Variants in EHD4 observed in about 807,000 individuals in gnomAD.
EHD4 encodes the protein EH domain containing 4.
EHD4 carries 37 observed loss-of-function variants against 51.0 expected under a neutral mutation model. That is an observed-to-expected ratio of 0.73 (90% CI 0.56 to 0.95). EHD4 has a LOEUF of 0.95. Ranked by LOEUF, EHD4 falls within the 40% of genes least tolerant of loss-of-function variation. The pLI is 0.00. For missense variants in EHD4, 632 were observed against 733.1 expected (o/e 0.86, Z 1.59); for synonymous variants, 297 against 317.3 (o/e 0.94, Z 0.68).
At chr15:41,911,945 C>T (rs934378796) in intron 4 of EHD4, among the ~76,000 whole-genome samples, 2 of 152,184 alleles carry the variant, frequency 1.3e-5, no homozygotes, top group Non-Finnish European at 2.9e-5. Flanking sequence ...CCGCCCACCC[C>T]CCGAGGTTGG....
intron 4 of EHD4, among the ~76,000 whole-genome samples, chr15:41,915,435 G>A (rs946036989): frequency 6.6e-6 from 1 of 152,222 alleles, no homozygotes; most frequent in African/African-American, 2.4e-5. Context: ...GTCTACATTT[G>A]AAAGAATAAG....
chr15:41,968,085 C>T (rs991443851), intron 1 of EHD4, among the ~76,000 whole-genome samples: 1 of 152,134 alleles, frequency 6.6e-6, no homozygotes, highest in Non-Finnish European at 1.5e-5. Flanking sequence ...ATGAGTGGGC[C>T]GATCACTTCC....
At chr15:41,951,350 G>C (rs1184790004) in intron 2 of EHD4, among the ~76,000 whole-genome samples, 1 of 152,040 alleles carries the variant, frequency 6.6e-6, no homozygotes, top group Non-Finnish European at 1.5e-5. Context: ...TTATTATAAG[G>C]CATGGATTAT....
Position 41,909,869 on chromosome 15 carries a change from G to A in EHD4, c.925-6C>T. ...CTGATGATGTAGGCATGCACCTGGAGGGGTATAGATCAGGCAGGGAAGTGT... is the reference window on the plus strand; with the variant it reads ...CTGATGATGTAGGCATGCACCTGGAAGGGTATAGATCAGGCAGGGAAGTGT... On this transcript the variant is annotated splice_region_variant and splice_polypyrimidine_tract_variant and intron_variant, in intron 4 of 5. Coordinates refer to ENST00000220325, the MANE Select transcript of EHD4 (RefSeq NM_139265.4). 6.2e-7 allele frequency: 1 copy of A among 1,614,152 alleles called. No individual in the cohort carries two copies. Among genetic ancestry groups the A allele is most frequent in the East Asian group, 2.2e-5 (1 of 44,886 alleles).
At chr15:41,903,957 C>T (rs372806072) in intron 5 of EHD4, among the ~76,000 whole-genome samples, 4 of 151,278 alleles carry the variant, frequency 2.6e-5, no homozygotes, top group East Asian at 3.9e-4. Flanking sequence ...CCAAACAATG[C>T]GGCCTGCACT....
intron 3 of EHD4, among the ~76,000 whole-genome samples, chr15:41,935,703 C>T (rs1249276091): frequency 2.0e-5 from 3 of 152,190 alleles, no homozygotes; most frequent in Non-Finnish European, 2.9e-5. Flanking sequence ...TGGTTTCAAT[C>T]CCACTCAACC....
intron 4 of EHD4, among the ~76,000 whole-genome samples, chr15:41,912,999 G>A (rs2067560001): frequency 6.6e-6 from 1 of 152,212 alleles, no homozygotes; most frequent in Non-Finnish European, 1.5e-5. Context: ...CCCATAGAAT[G>A]AGTCTGGAAA....
intron 5 of EHD4, among the ~76,000 whole-genome samples, chr15:41,907,822 CTCTGTGTG>C (rs1567243858): frequency 1.6e-5 from 2 of 127,404 alleles, no homozygotes; most frequent in African/African-American, 6.0e-5. Context: ...TGCGCCCAGG[CTCTGTGTG>C]TGTGTGTGTG....
intron 3 of EHD4, among the ~76,000 whole-genome samples, chr15:41,931,017 C>G (rs2067694565): frequency 6.6e-6 from 1 of 152,178 alleles, no homozygotes; most frequent in Non-Finnish European, 1.5e-5. Context: ...AACAGGCATG[C>G]CTTCTACAGT....
At position 41,900,420 on chromosome 15, in the gene EHD4, T is replaced by C; in HGVS notation, c.*225A>G. 1.7e-6 allele frequency: 1 copy of C among 571,590 alleles called. No individual in the cohort carries two copies. The highest frequency in any genetic ancestry group is 3.1e-6 in the Non-Finnish European group (1 of 325,144). 35.4% of individuals were successfully genotyped at this position (571,590 alleles called of 1,614,324 possible). ...TTTCTCTTTCTTCTCAACCCTTCAA[T>C]CTCCTAATCCACCCCCCTACCCCCA... On this transcript the variant is annotated 3_prime_UTR_variant, in exon 6 of 6. Transcript: ENST00000220325. This position sits in a 1 kb window ranked among gnomAD's most constrained non-coding sequence, Gnocchi z 4.8.
At position 41,951,472 on chromosome 15, in the gene EHD4, AT is replaced by A. The variant is rs796478072; in HGVS notation, c.413+2291del. Among the ~76,000 whole-genome samples the A allele has an allele frequency of 3.3e-3, 477 of 145,844 alleles. 2 individuals carry two copies. Among genetic ancestry groups the A allele is most frequent in the African/African-American group, 8.1e-3 (325 of 40,062 alleles). On this transcript the variant is annotated intron_variant, in intron 2 of 5. Transcript: ENST00000220325. ...GCTTGGGATTTGAGAAGAAAAAAACATTTTTTTTTTTTGTTAGGAAAGTAAA... is the reference window on the plus strand; with the variant it reads ...GCTTGGGATTTGAGAAGAAAAAAACATTTTTTTTTTTGTTAGGAAAGTAAA...
chr15:41,914,730 G>A (rs1486878611), intron 4 of EHD4, among the ~76,000 whole-genome samples: 3 of 151,672 alleles, frequency 2.0e-5, no homozygotes, highest in Non-Finnish European at 4.4e-5. Flanking sequence ...ATTCTCACAC[G>A]CTTTAGCCTG....
At chr15:41,904,210 C>T (rs921815750) in intron 5 of EHD4, among the ~76,000 whole-genome samples, 16 of 152,316 alleles carry the variant, frequency 1.1e-4, no homozygotes, top group Admixed American at 9.1e-4. Flanking sequence ...AACTTCCCAC[C>T]AGCCTGCAGG....
intron 1 of EHD4, among the ~76,000 whole-genome samples, chr15:41,967,546 G>A (rs1251128317): frequency 6.6e-6 from 1 of 152,182 alleles, no homozygotes; most frequent in Non-Finnish European, 1.5e-5. Flanking sequence ...TATAATATTT[G>A]GAACAGAAGA....
At chr15:41,924,454 C>T (rs1174542837) in intron 3 of EHD4, among the ~76,000 whole-genome samples, 2 of 152,230 alleles carry the variant, frequency 1.3e-5, no homozygotes, top group African/African-American at 4.8e-5. Flanking sequence ...ATAGTATCCA[C>T]AGGCCTCAGG....
intron 2 of EHD4, among the ~76,000 whole-genome samples, chr15:41,943,971 C>T (rs574416896): frequency 6.6e-6 from 1 of 152,312 alleles, no homozygotes; most frequent in East Asian, 1.9e-4. Flanking sequence ...TCTTTAGGCC[C>T]CTCTTGTTCC....
chr15:41,923,020 C>T (rs1313305064), intron 3 of EHD4, among the ~76,000 whole-genome samples: 1 of 152,166 alleles, frequency 6.6e-6, no homozygotes, highest in Non-Finnish European at 1.5e-5. Context: ...TTACCACCTC[C>T]CCCTACAAAG....
chr15:41,955,884 G>A (rs1057454658), intron 1 of EHD4, among the ~76,000 whole-genome samples: 2 of 152,160 alleles, frequency 1.3e-5, no homozygotes, highest in African/African-American at 2.4e-5. Context: ...CAGCAGCGAG[G>A]CTGGAATTCA....
intron 3 of EHD4, among the ~76,000 whole-genome samples, chr15:41,940,749 T>C (rs565155954): frequency 6.8e-4 from 103 of 152,316 alleles, no homozygotes; most frequent in African/African-American, 2.5e-3. Context: ...AAAGAACTGA[T>C]CTTCAAAGCA....
Sources: gnomAD v4.1 joint callset for allele counts (sites outside exome capture counted in the v4.1 genomes callset) on GRCh38, gnomAD v4.1.1 for gene constraint, Gnocchi (gnomAD v3.1) non-coding constraint, MANE v1.5 for transcripts, NCBI Gene and HGNC (gene_info 2026-07-23, HGNC 2026-07-21) for gene names.